COL28A1: variants seen among roughly 807,000 people sequenced by gnomAD.
COL28A1 encodes collagen alpha-1(XXVIII) chain.
Under a neutral mutation model 150.2 loss-of-function variants are expected in COL28A1, and 161 were observed. The observed-to-expected ratio is 1.07, with a 90% CI of 0.94 to 1.22. The LOEUF is 1.22. COL28A1 is among the 50% of genes most tolerant of loss of function. COL28A1 has a pLI of 0.00. For missense variants in COL28A1, 1,617 were observed against 1,388.3 expected (o/e 1.16, Z -2.62); for synonymous variants, 552 against 469.7 (o/e 1.18, Z -2.26).
intron 27 of COL28A1, 38 bp from the exon 28 acceptor site, chr7:7,381,650 C>T: frequency 6.7e-7 from 1 of 1,503,628 alleles, no homozygotes; most frequent in Non-Finnish European, 9.3e-7. Flanking sequence ...CTATTAATTT[C>T]CCAGGATAGC....
chr7:7,517,987 C>CAAAAAA (rs67184564), intron 6 of COL28A1, 150 bp from the exon 7 acceptor site: 1 of 484,396 alleles, frequency 2.1e-6, no homozygotes, highest in Non-Finnish European at 3.3e-6. Flanking sequence ...GCAATCTAGG[C>CAAAAAA]AAAAAAAAAA....
chr7:7,495,664 G>A (rs1197030414), intron 11 of COL28A1, among the ~76,000 whole-genome samples: 3 of 151,922 alleles, frequency 2.0e-5, no homozygotes, highest in Admixed American at 6.6e-5. Context: ...CTATCAGTAT[G>A]CCTCCTAAAT....
chr7:7,476,305 C>T (rs997362832), intron 14 of COL28A1, among the ~76,000 whole-genome samples: 1 of 152,152 alleles, frequency 6.6e-6, no homozygotes, highest in Non-Finnish European at 1.5e-5. Context: ...TTTTGGAAAA[C>T]ACTTTTTAAC....
At position 7,504,398 on chromosome 7, in the gene COL28A1, G is replaced by C. The variant is rs536179526; in HGVS notation, c.1026+1616C>G. Among the ~76,000 whole-genome samples, 6 of 152,258 alleles carry C rather than the reference G, an allele frequency of 3.9e-5. 2 individuals carry two copies. Among genetic ancestry groups the C allele is most frequent in the African/African-American group, 1.4e-4 (6 of 41,554 alleles). On this transcript the variant is annotated intron_variant, in intron 11 of 34. Coordinates refer to ENST00000399429, the MANE Select transcript of COL28A1 (RefSeq NM_001037763.3). ...TGCCTCTAGTCCTAGCTATTTTGGAGGCTGAGGCAGGAGAATCACTTGAGC... is the reference window on the plus strand; with the variant it reads ...TGCCTCTAGTCCTAGCTATTTTGGACGCTGAGGCAGGAGAATCACTTGAGC...
intron 15 of COL28A1, 95 bp from the exon 16 acceptor site, chr7:7,456,207 C>G: frequency 7.1e-7 from 1 of 1,408,726 alleles, no homozygotes. Flanking sequence ...TAAAATCTAT[C>G]TTTATACTAT....
intron 13 of COL28A1, among the ~76,000 whole-genome samples, chr7:7,486,475 T>G (rs1315497823): frequency 6.6e-6 from 1 of 152,212 alleles, no homozygotes; most frequent in Non-Finnish European, 1.5e-5. Flanking sequence ...TCCAATATGT[T>G]GAATAAGACT....
At chr7:7,507,802 C>T (rs1158308476) in intron 9 of COL28A1, among the ~76,000 whole-genome samples, 1 of 152,020 alleles carries the variant, frequency 6.6e-6, no homozygotes, top group Admixed American at 6.6e-5. Context: ...TTTGAAAAAT[C>T]ACACAGAAGC....
rs368122841 is a variant in COL28A1, at chr7:7,373,989, G to A, written c.2360-443C>T. ...GCTGGGATTACAGGCGTGAGCCACC[G>A]CGCCCGGCCCCTTCTGGTTTCTATA... is the stretch of plus-strand genomic sequence containing the variant. On this transcript the variant is annotated intron_variant, in intron 31 of 34. Transcript: ENST00000399429. This position sits in a 1 kb window ranked among gnomAD's most constrained non-coding sequence, Gnocchi z 4.1. Among the ~76,000 whole-genome samples, 604 of 141,892 alleles carry A rather than the reference G, an allele frequency of 4.3e-3. 1 individual carries two copies. Among genetic ancestry groups the A allele is most frequent in the African/African-American group, 0.015 (567 of 36,736 alleles). 93.1% of individuals were successfully genotyped at this position (141,892 alleles called of 152,430 possible).
chr7:7,449,848 A>T (rs940502083), intron 18 of COL28A1, among the ~76,000 whole-genome samples: 3 of 152,146 alleles, frequency 2.0e-5, no homozygotes, highest in African/African-American at 7.2e-5. Flanking sequence ...ATTTTCTTGA[A>T]AAATTACAGC....
At chr7:7,433,637 TA>T (rs35394135) in intron 23 of COL28A1, among the ~76,000 whole-genome samples, 34,682 of 132,066 alleles carry the variant, frequency 0.26, 4,959 homozygotes, top group African/African-American at 0.42. Context: ...CTGTCTCATT[TA>T]AAAAAAAAAA....
chr7:7,543,582 A>T, the COL28A1 span, among the ~76,000 whole-genome samples: 1 of 152,156 alleles, frequency 6.6e-6, no homozygotes, highest in African/African-American at 2.4e-5. Flanking sequence ...ATCACTGAAC[A>T]CAGGGTTGCA....
intron 25 of COL28A1, among the ~76,000 whole-genome samples, chr7:7,428,810 T>A (rs1343072781): frequency 6.6e-6 from 1 of 152,224 alleles, no homozygotes; most frequent in Non-Finnish European, 1.5e-5. Flanking sequence ...TTCAAAGTTG[T>A]AGTTTTTACA....
chr7:7,482,449 C>T (rs142659657), intron 13 of COL28A1, among the ~76,000 whole-genome samples: 7,098 of 150,734 alleles, frequency 0.047, 216 homozygotes, highest in South Asian at 0.076. Context: ...CGCTTGAAGC[C>T]GGGAGGTGGA....
At chr7:7,492,188 G>A (rs11772657) in intron 11 of COL28A1, among the ~76,000 whole-genome samples, 104,400 of 151,976 alleles carry the variant, frequency 0.69, 38,304 homozygotes, top group East Asian at 0.83. Context: ...AAATATTAAA[G>A]TCTCAATTTA....
intron 15 of COL28A1, among the ~76,000 whole-genome samples, chr7:7,470,661 C>T (rs1335271013): frequency 2.4e-3 from 146 of 60,816 alleles, no homozygotes; most frequent in African/African-American, 0.014. Context: ...CACATGCACA[C>T]GTATGTTTAT....
chr7:7,370,044 A>G (rs1373309654), intron 33 of COL28A1, among the ~76,000 whole-genome samples: 2 of 152,176 alleles, frequency 1.3e-5, no homozygotes, highest in African/African-American at 2.4e-5. Context: ...CCTTAAAAAA[A>G]CTAATATTTG....
At chr7:7,528,786 C>T (rs9648107) in intron 3 of COL28A1, among the ~76,000 whole-genome samples, 3,430 of 152,218 alleles carry the variant, frequency 0.023, 54 homozygotes, top group Middle Eastern at 0.048. Flanking sequence ...TGGAAATGTT[C>T]TCTATCCTAA....
At chr7:7,440,371 G>C (rs1319400290) in intron 21 of COL28A1, among the ~76,000 whole-genome samples, 1 of 152,166 alleles carries the variant, frequency 6.6e-6, no homozygotes, top group Non-Finnish European at 1.5e-5. Flanking sequence ...TGCTCCAAGA[G>C]GTTCATGGCA....
In COL28A1 at chr7:7,381,585, C is replaced by T. The variant is rs769941061; in HGVS notation, c.2164G>A (p.Gly722Ser). ...KGEQGPQGFP[G>S]PKGTMGHGLP... ...CCATGGCCCATTGTGCCCTTTGGGC[C>T]TGGGAAGCCTTGTGGTCCTTGTTCC... The change falls in exon 28 of 35, where the codon GGC becomes AGC. Residue 722 changes from glycine to serine, a missense_variant. Coordinates refer to ENST00000399429, the MANE Select transcript of COL28A1 (RefSeq NM_001037763.3). 1 of 1,613,832 alleles carries T rather than the reference C, an allele frequency of 6.2e-7. No individual in the cohort carries two copies. The highest frequency in any genetic ancestry group is 8.5e-7 in the Non-Finnish European group (1 of 1,179,820).
Sources: allele counts gnomAD v4.1 joint callset (sites outside exome capture counted in the v4.1 genomes callset), GRCh38; gene constraint gnomAD v4.1.1; non-coding constraint Gnocchi (gnomAD v3.1); transcripts MANE v1.5; gene names NCBI Gene and HGNC (gene_info 2026-07-23, HGNC 2026-07-21).